Variants in IGFBP5 observed in about 807,000 individuals in gnomAD.
The protein encoded by IGFBP5 is insulin like growth factor binding protein 5.
Under a neutral mutation model 28.0 loss-of-function variants are expected in IGFBP5, and 12 were observed. The ratio of observed to expected loss-of-function variants is 0.43; its 90% confidence interval spans 0.27 to 0.69. IGFBP5 has a LOEUF of 0.69. Ranked by LOEUF, IGFBP5 falls within the 30% of genes least tolerant of loss-of-function variation. The pLI is 0.20. For missense variants in IGFBP5, 344 were observed against 381.6 expected (o/e 0.90, Z 0.82); for synonymous variants, 152 against 150.2 (o/e 1.01, Z -0.09).
At chr2:216,686,666 CTTTTTTT>C (rs1165701093) in intron 1 of IGFBP5, among the ~76,000 whole-genome samples, 5 of 112,708 alleles carry the variant, frequency 4.4e-5, no homozygotes, top group African/African-American at 1.1e-4. Context: ...TTTGACCTTT[CTTTTTTT>C]TTTTTTTTTT....
chr2:216,685,365 C>T (rs1689022685), intron 1 of IGFBP5, among the ~76,000 whole-genome samples: 1 of 152,158 alleles, frequency 6.6e-6, no homozygotes, highest in African/African-American at 2.4e-5. Context: ...TTCAGCTCCT[C>T]AGTCACTCTA....
In IGFBP5 at chr2:216,672,530, A is replaced by G. The variant is rs1173489370; in HGVS notation, c.*4221T>C. The stretch of plus-strand genomic sequence containing the variant: ...TATTGCTGTCTTCAAAAAAAAAAAG[A>G]AAAAGAAAAACAACAACAACAACAA... On this transcript the variant is annotated 3_prime_UTR_variant, in exon 4 of 4. Coordinates refer to ENST00000233813, the MANE Select transcript of IGFBP5 (RefSeq NM_000599.4). The G allele has an allele frequency of 6.6e-6, 1 of 151,854 alleles. No homozygotes were observed. Among genetic ancestry groups the G allele is most frequent in the Non-Finnish European group, 1.5e-5 (1 of 67,936 alleles). 9.4% of individuals were successfully genotyped at this position (151,854 alleles called of 1,614,324 possible).
chr2:216,688,775 T>C (rs1689059616), intron 1 of IGFBP5, among the ~76,000 whole-genome samples: 1 of 152,184 alleles, frequency 6.6e-6, no homozygotes, highest in Non-Finnish European at 1.5e-5. Flanking sequence ...TCGTTTAAAA[T>C]GTTCCTATAG....
Position 216,694,739 on chromosome 2 carries a change from C to T in IGFBP5, c.37G>A (p.Ala13Thr), listed in dbSNP as rs867462332. The T allele has an allele frequency of 1.4e-6, 2 of 1,443,394 alleles. No homozygotes were observed. The highest frequency in any genetic ancestry group is 3.0e-5 in the African/African-American group (2 of 67,162). 89.4% of individuals were successfully genotyped at this position (1,443,394 alleles called of 1,614,324 possible). A position where few individuals can be genotyped will look rare whatever the true frequency, so the allele number is the denominator to read the frequency against. ...LLTAVLLLLA[A>T]YAGPAQSLGS... ...AGGCTCTGGGCCGGCCCCGCATAGG[C>T]GGCCAGCAGCAGGAGGACCGCGGTG... Residue 13 changes from alanine to threonine, a missense_variant, in exon 1 of 4, where the codon GCC (alanine) becomes ACC (threonine). Around this residue, in one of 3 missense-constraint regions of IGFBP5, gnomAD observed 304 missense variants for 329.2 expected, o/e 0.92. Transcript: ENST00000233813. The surrounding 1 kb of genome is among the most constrained non-coding windows in gnomAD (Gnocchi z 5.2).
chr2:216,686,445 C>T (rs1400234604), intron 1 of IGFBP5, among the ~76,000 whole-genome samples: 2 of 151,876 alleles, frequency 1.3e-5, no homozygotes, highest in Non-Finnish European at 2.9e-5. Context: ...ACAGCAAGAC[C>T]CCATCTCTAC....
chr2:216,676,679 G>A lies in IGFBP5; in HGVS notation c.*72C>T. ...GAGATGAAATGAGTGGCGTCCTGGGGTGGAGGGAGGCGCTGGCTGGAGTCG... is the reference window on the plus strand; with the variant it reads ...GAGATGAAATGAGTGGCGTCCTGGGATGGAGGGAGGCGCTGGCTGGAGTCG... On this transcript the variant is annotated 3_prime_UTR_variant, in exon 4 of 4. Coordinates refer to ENST00000233813, the MANE Select transcript of IGFBP5 (RefSeq NM_000599.4). The A allele has an allele frequency of 1.0e-6, 1 of 978,068 alleles. No individual in the cohort carries two copies. Among genetic ancestry groups the A allele is most frequent in the Non-Finnish European group, 1.6e-6 (1 of 638,476 alleles). 60.6% of individuals were successfully genotyped at this position (978,068 alleles called of 1,614,324 possible).
At chr2:216,678,336 A>G (rs909091065) in intron 2 of IGFBP5, 105 bp from the exon 3 acceptor site, 17 of 1,218,512 alleles carry the variant, frequency 1.4e-5, no homozygotes, top group Non-Finnish European at 1.5e-5. Context: ...TCTGGAGGAA[A>G]GTCACCACCT....
rs1314507667 is a variant in IGFBP5, at chr2:216,694,832, A to G, written c.-57T>C. On this transcript the variant is annotated 5_prime_UTR_variant, in exon 1 of 4. Coordinates refer to ENST00000233813, the MANE Select transcript of IGFBP5 (RefSeq NM_000599.4). The surrounding 1 kb of genome is among the most constrained non-coding windows in gnomAD (Gnocchi z 5.2). ...GGGGCAGGAGAGCGAGAGTGCAGGG[A>G]TAAAGGGGCCAAGAGGGCCCCCGGA... 1 of 1,213,830 alleles carries G rather than the reference A, an allele frequency of 8.2e-7. No individual in the cohort carries two copies. The highest frequency in any genetic ancestry group is 3.1e-5 in the East Asian group (1 of 31,862). The allele number at this position is 1,213,830 out of a possible 1,614,324, so 75.2% of individuals were successfully genotyped here. A position where few individuals can be genotyped will look rare whatever the true frequency, so the allele number is the denominator to read the frequency against.
At chr2:216,688,909 T>G (rs1403486401) in intron 1 of IGFBP5, among the ~76,000 whole-genome samples, 2 of 152,210 alleles carry the variant, frequency 1.3e-5, no homozygotes, top group Non-Finnish European at 2.9e-5. Context: ...CAGCACTTCC[T>G]GCAGCACAAC....
chr2:216,677,188 C>A (rs1234637045), intron 3 of IGFBP5, among the ~76,000 whole-genome samples: 2 of 152,044 alleles, frequency 1.3e-5, no homozygotes, highest in African/African-American at 4.8e-5. Flanking sequence ...ATCTTCCTGC[C>A]TCAGCCTCTG....
At chr2:216,681,893 G>T (rs535804653) in intron 1 of IGFBP5, among the ~76,000 whole-genome samples, 283 of 152,240 alleles carry the variant, frequency 1.9e-3, no homozygotes, top group Non-Finnish European at 3.0e-3. Context: ...AGGGGGATGG[G>T]GCTGTTGACA....
chr2:216,690,505 C>CTTA (rs1689082529), intron 1 of IGFBP5, among the ~76,000 whole-genome samples: 2 of 151,860 alleles, frequency 1.3e-5, no homozygotes, highest in South Asian at 4.2e-4. Flanking sequence ...CCGCTGGCTT[C>CTTA]TTCGCTCCAT....
In IGFBP5 at chr2:216,679,394, G is replaced by A. The variant is rs1177305591; in HGVS notation, c.338-315C>T. Among the ~76,000 whole-genome samples, 1 of 152,086 alleles carries A rather than the reference G, an allele frequency of 6.6e-6. No individual in the cohort carries two copies. Among genetic ancestry groups the A allele is most frequent in the East Asian group, 1.9e-4 (1 of 5,172 alleles). Reference sequence around the variant, plus strand: ...GAGCAGGCCTTCTGGGGGCAGTAAGGAGGAAGGGCAAGGAAAATGGCCTCT... The same window carrying A: ...GAGCAGGCCTTCTGGGGGCAGTAAGAAGGAAGGGCAAGGAAAATGGCCTCT... On this transcript the variant is annotated intron_variant, in intron 1 of 3. Transcript: ENST00000233813. The surrounding 1 kb of genome is among the most constrained non-coding windows in gnomAD (Gnocchi z 4.6).
At chr2:216,681,593 G>C (rs1243339706) in intron 1 of IGFBP5, among the ~76,000 whole-genome samples, 3 of 152,102 alleles carry the variant, frequency 2.0e-5, no homozygotes, top group African/African-American at 7.2e-5. Context: ...CCATCCCCCT[G>C]TGTCCAAGCA....
Position 216,676,742 on chromosome 2 carries a change from G to A in IGFBP5, c.*9C>T, listed in dbSNP as rs774284227. The A allele has an allele frequency of 1.9e-6, 3 of 1,605,948 alleles. No individual in the cohort carries two copies. The highest frequency in any genetic ancestry group is 1.7e-5 in the Admixed American group (1 of 59,650). ...GGAGGGGGTGAGGGAAAGGTTGGGG[G>A]GGGACGCATCACTCAACGTTGCTGC... On this transcript the variant is annotated 3_prime_UTR_variant, in exon 4 of 4. Coordinates refer to ENST00000233813, the MANE Select transcript of IGFBP5 (RefSeq NM_000599.4).
At chr2:216,678,288 C>G in intron 2 of IGFBP5, 57 bp from the exon 3 acceptor site, 2 of 1,450,488 alleles carry the variant, frequency 1.4e-6, no homozygotes, top group East Asian at 4.9e-5. Flanking sequence ...CACCCAGCTG[C>G]GCTGACGAAT....
Position 216,673,778 on chromosome 2 carries a change from C to T in IGFBP5, c.*2973G>A, listed in dbSNP as rs569388693. On this transcript the variant is annotated 3_prime_UTR_variant, in exon 4 of 4. Coordinates refer to ENST00000233813, the MANE Select transcript of IGFBP5 (RefSeq NM_000599.4). This position sits in a 1 kb window ranked among gnomAD's most constrained non-coding sequence, Gnocchi z 4.3. ...ATGGGGGAAGAGGTGCCGTCTTCCT[C>T]CAGTGCCTCCCTTCCCAGGATCTCC... 1 of 152,562 alleles carries T rather than the reference C, an allele frequency of 6.6e-6. No individual in the cohort carries two copies. The highest frequency in any genetic ancestry group is 2.4e-5 in the African/African-American group (1 of 41,578). 9.5% of individuals were successfully genotyped at this position (152,562 alleles called of 1,614,324 possible).
chr2:216,674,624 C>T lies in IGFBP5; in HGVS notation c.*2127G>A, dbSNP rs182773046. ...GGGTCTCCTTGGCCAGTGTCCAAGC[C>T]CCCTTTCCTGGATATCTTCAGCCTT... is the stretch of plus-strand genomic sequence containing the variant. On this transcript the variant is annotated 3_prime_UTR_variant, in exon 4 of 4. Coordinates refer to ENST00000233813, the MANE Select transcript of IGFBP5 (RefSeq NM_000599.4). The surrounding 1 kb of genome is among the most constrained non-coding windows in gnomAD (Gnocchi z 4.4). 1 of 152,324 alleles carries T rather than the reference C, an allele frequency of 6.6e-6. No individual in the cohort carries two copies. Among genetic ancestry groups the T allele is most frequent in the Admixed American group, 6.5e-5 (1 of 15,306 alleles). 9.4% of individuals were successfully genotyped at this position (152,324 alleles called of 1,614,324 possible).
In IGFBP5 at chr2:216,672,702, G is replaced by A. The variant is rs1458859505; in HGVS notation, c.*4049C>T. The A allele has an allele frequency of 1.3e-5, 2 of 152,636 alleles. No homozygotes were observed. Among genetic ancestry groups the A allele is most frequent in the Non-Finnish European group, 2.9e-5 (2 of 68,034 alleles). 9.5% of individuals were successfully genotyped at this position (152,636 alleles called of 1,614,324 possible). ...GGTGGAGTGGGGTGAGCGGGCACAGGGAAGCTGGGGTCCCCTTCCCCTCGG... is the reference window on the plus strand; with the variant it reads ...GGTGGAGTGGGGTGAGCGGGCACAGAGAAGCTGGGGTCCCCTTCCCCTCGG... On this transcript the variant is annotated 3_prime_UTR_variant, in exon 4 of 4. Transcript: ENST00000233813.
Sources: allele counts gnomAD v4.1 joint callset (sites outside exome capture counted in the v4.1 genomes callset), GRCh38; gene constraint gnomAD v4.1.1; regional missense constraint gnomAD v4.1.1; non-coding constraint Gnocchi (gnomAD v3.1); transcripts MANE v1.5; gene names NCBI Gene and HGNC (gene_info 2026-07-23, HGNC 2026-07-21).